Variants in MELK observed in about 807,000 individuals in gnomAD.
MELK encodes the protein pEg3 kinase.
MELK carries 81 observed loss-of-function variants against 85.0 expected under a neutral mutation model. That is an observed-to-expected ratio of 0.95 (90% CI 0.80 to 1.15). The LOEUF (loss-of-function observed/expected upper bound fraction) is 1.15. Among genes scored for constraint, MELK ranks in the 50% most tolerant of loss-of-function variants. The pLI is 0.00. For synonymous variants in MELK, 252 were observed against 265.0 expected (o/e 0.95, Z 0.48); for missense variants, 754 against 777.5 (o/e 0.97, Z 0.36).
chr9:36,579,696 C>T (rs1486545566), intron 1 of MELK, among the ~76,000 whole-genome samples: 2 of 152,172 alleles, frequency 1.3e-5, no homozygotes, highest in African/African-American at 4.8e-5. Flanking sequence ...CTGCTGATCT[C>T]TAAAAGTCAA....
intron 8 of MELK, among the ~76,000 whole-genome samples, chr9:36,629,843 G>GTTTTT (rs11298711): frequency 4.4e-4 from 49 of 111,470 alleles, no homozygotes; most frequent in East Asian, 1.1e-3. Context: ...GCAAGAAATT[G>GTTTTT]TTTTTTTTTT....
intron 3 of MELK, among the ~76,000 whole-genome samples, chr9:36,584,049 A>G (rs1822559442): frequency 6.6e-6 from 1 of 151,952 alleles, no homozygotes; most frequent in Non-Finnish European, 1.5e-5. Context: ...TCTGTCGCCC[A>G]GGCTGGAGTA....
At chr9:36,674,587 G>A (rs1023539766) in intron 16 of MELK, among the ~76,000 whole-genome samples, 4 of 152,138 alleles carry the variant, frequency 2.6e-5, no homozygotes, top group Non-Finnish European at 4.4e-5. Flanking sequence ...AGGATTGGTA[G>A]GAGAGGAAGA....
chr9:36,677,117 T>C (rs369974707), intron 17 of MELK, 43 bp from the exon 18 acceptor site: 11 of 1,560,758 alleles, frequency 7.0e-6, no homozygotes, highest in African/African-American at 2.7e-5. Flanking sequence ...TTATACAGAA[T>C]ATGGTTCTCC....
rs1833457073 is a variant in MELK, at chr9:36,677,630, T to G, written c.*293T>G. On this transcript the variant is annotated 3_prime_UTR_variant, in exon 18 of 18. Coordinates refer to ENST00000298048, the MANE Select transcript of MELK (RefSeq NM_014791.4). ...ATATGTGAATGTAAGCTCTTAACTA[T>G]GTCTCTTTGTAATGTGTAATTTCTT... The G allele has an allele frequency of 4.7e-6, 1 of 213,996 alleles. No individual in the cohort carries two copies. Among genetic ancestry groups the G allele is most frequent in the Non-Finnish European group, 9.1e-6 (1 of 109,340 alleles). 13.3% of individuals were successfully genotyped at this position (213,996 alleles called of 1,614,324 possible).
At chr9:36,620,697 C>T (rs1201917975) in intron 8 of MELK, among the ~76,000 whole-genome samples, 3 of 151,716 alleles carry the variant, frequency 2.0e-5, no homozygotes, top group Non-Finnish European at 4.4e-5. Flanking sequence ...ACTACAGGTG[C>T]TCACCACCAC....
At chr9:36,591,601 C>T (rs1182175829) in intron 4 of MELK, among the ~76,000 whole-genome samples, 1 of 151,256 alleles carries the variant, frequency 6.6e-6, no homozygotes, top group Non-Finnish European at 1.5e-5. Flanking sequence ...GTTAAAATCT[C>T]CCAAGCATCC....
intron 5 of MELK, among the ~76,000 whole-genome samples, chr9:36,596,836 T>C (rs1268238595): frequency 6.6e-6 from 1 of 152,164 alleles, no homozygotes; most frequent in Non-Finnish European, 1.5e-5. Context: ...TGTGCCTGCC[T>C]CAGCCTCCCA....
chr9:36,615,927 G>A (rs1826705708), intron 8 of MELK, among the ~76,000 whole-genome samples: 1 of 151,604 alleles, frequency 6.6e-6, no homozygotes, highest in Admixed American at 6.6e-5. Context: ...GCCAGGCAGA[G>A]ACACTCCTCA....
At chr9:36,591,613 T>C (rs912411371) in intron 4 of MELK, among the ~76,000 whole-genome samples, 1 of 151,586 alleles carries the variant, frequency 6.6e-6, no homozygotes, top group African/African-American at 2.4e-5. Flanking sequence ...CAAGCATCCA[T>C]GAACCTAGGA....
At chr9:36,618,469 GA>G (rs1178334739) in intron 8 of MELK, among the ~76,000 whole-genome samples, 7 of 151,488 alleles carry the variant, frequency 4.6e-5, no homozygotes, top group African/African-American at 7.3e-5. Flanking sequence ...ATATACTTAA[GA>G]TTTGAGGTTC....
rs751720464 is a variant in MELK, at chr9:36,665,543, TACTC to T, written c.1374_1377del (p.Thr459ArgfsTer16). On this transcript the variant is annotated frameshift_variant, in exon 14 of 18. Coordinates refer to ENST00000298048, the MANE Select transcript of MELK (RefSeq NM_014791.4). LOFTEE classifies it high-confidence loss of function. ...AATAAGAACCAGCATAAGAGAGAAATACTCACTACGCCAAATCGTTACACTACAC... is the reference window on the plus strand; with the variant it reads ...AATAAGAACCAGCATAAGAGAGAAATACTACGCCAAATCGTTACACTACAC... The T allele has an allele frequency of 1.8e-5, 29 of 1,613,790 alleles. No homozygotes were observed. The highest frequency in any genetic ancestry group is 2.3e-5 in the Non-Finnish European group (27 of 1,179,840).
intron 16 of MELK, among the ~76,000 whole-genome samples, chr9:36,672,521 A>C (rs1286960882): frequency 6.6e-6 from 1 of 152,202 alleles, no homozygotes; most frequent in Non-Finnish European, 1.5e-5. Flanking sequence ...CTGTGGTGTT[A>C]GTTGGCTTTC....
chr9:36,664,470 T>C (rs2137799261), intron 13 of MELK, among the ~76,000 whole-genome samples: 1 of 152,334 alleles, frequency 6.6e-6, no homozygotes, highest in East Asian at 1.9e-4. Flanking sequence ...CAACTTAGCA[T>C]AGGACTACTT....
intron 16 of MELK, among the ~76,000 whole-genome samples, chr9:36,672,685 A>G (rs138248910): frequency 0.01 from 1,531 of 152,300 alleles, 12 homozygotes; most frequent in Middle Eastern, 0.017. Context: ...AAATCTGGAA[A>G]TAATGCCTAC....
At chr9:36,603,289 C>G (rs1825120895) in intron 7 of MELK, among the ~76,000 whole-genome samples, 1 of 152,070 alleles carries the variant, frequency 6.6e-6, no homozygotes, top group Non-Finnish European at 1.5e-5. Flanking sequence ...TAAGAATCTT[C>G]ATTTAAAATA....
intron 8 of MELK, among the ~76,000 whole-genome samples, chr9:36,612,632 T>A (rs935994309): frequency 6.6e-6 from 1 of 152,234 alleles, no homozygotes; most frequent in Admixed American, 6.5e-5. Context: ...TCCTCCTGCC[T>A]TGGCCTCCCA....
intron 8 of MELK, among the ~76,000 whole-genome samples, chr9:36,627,678 C>T (rs1828076112): frequency 6.6e-6 from 1 of 151,774 alleles, no homozygotes; most frequent in Non-Finnish European, 1.5e-5. Context: ...TAAGTGCCCG[C>T]CACCACACCT....
rs12347708 is a variant in MELK, at chr9:36,677,611, G to A, written c.*274G>A. On this transcript the variant is annotated 3_prime_UTR_variant, in exon 18 of 18. Transcript: ENST00000298048. ...CTTTCTTAGATTCACTTCCATATGT[G>A]AATGTAAGCTCTTAACTATGTCTCT... is the stretch of plus-strand genomic sequence containing the variant. The A allele has an allele frequency of 0.015, 3,628 of 248,940 alleles. 109 individuals are homozygous for A. Among genetic ancestry groups the A allele is most frequent in the South Asian group, 0.063 (444 of 7,090 alleles). The allele number at this position is 248,940 out of a possible 1,614,324, so 15.4% of individuals were successfully genotyped here.
Sources: allele counts gnomAD v4.1 joint callset (sites outside exome capture counted in the v4.1 genomes callset), GRCh38; gene constraint gnomAD v4.1.1; transcripts MANE v1.5; gene names NCBI Gene and HGNC (gene_info 2026-07-23, HGNC 2026-07-21).